Variants in MTX3 observed in about 807,000 individuals in gnomAD.
MTX3 encodes the protein metaxin-3.
In MTX3, 27 loss-of-function variants were observed where a neutral mutation model predicts 42.5. That is an observed-to-expected ratio of 0.64 (90% CI 0.47 to 0.88). The LOEUF (loss-of-function observed/expected upper bound fraction) is 0.88. Among genes scored for constraint, MTX3 ranks in the 40% least tolerant of loss-of-function variants. The pLI, the probability that MTX3 is intolerant of heterozygous loss-of-function variation, is 0.00. For missense variants in MTX3, 378 were observed against 367.0 expected (o/e 1.03, Z -0.25); for synonymous variants, 144 against 132.9 (o/e 1.08, Z -0.57).
rs2151138255 is a variant in MTX3 at position 79,979,383 on chromosome 5, T to C, written c.*4301A>G. ...GAAAATATTGAAAAGTAAACATAAATTCCACAAAGCTGAATGGCAGCAAAA... is the reference window on the plus strand; with the variant it reads ...GAAAATATTGAAAAGTAAACATAAACTCCACAAAGCTGAATGGCAGCAAAA... On this transcript the variant is annotated 3_prime_UTR_variant, in exon 9 of 9. Coordinates refer to ENST00000512528, the MANE Select transcript of MTX3 (RefSeq NM_001363818.2). 6.6e-6 allele frequency: 1 copy of C among 152,298 alleles called. No homozygotes were observed. The highest frequency in any genetic ancestry group is 2.1e-4 in the South Asian group (1 of 4,822). 9.4% of individuals were successfully genotyped at this position (152,298 alleles called of 1,614,324 possible).
intron 8 of MTX3, 91 bp from the exon 9 acceptor site, chr5:79,983,885 G>A: frequency 2.6e-6 from 2 of 768,704 alleles, no homozygotes; most frequent in Non-Finnish European, 4.4e-6. Context: ...GCCTAGAAGA[G>A]TACAGAACCA....
At chr5:79,989,383 T>C in intron 3 of MTX3, 139 bp from the exon 4 acceptor site, 1 of 612,292 alleles carries the variant, frequency 1.6e-6, no homozygotes. Context: ...GAAATACAAA[T>C]CCAGTGAAAC....
In MTX3 at chr5:79,988,331, T is replaced by C; in HGVS notation, c.505-16A>G. 1 of 1,526,592 alleles carries C rather than the reference T, an allele frequency of 6.6e-7. No individual in the cohort carries two copies. The highest frequency in any genetic ancestry group is 8.9e-7 in the Non-Finnish European group (1 of 1,122,942). 94.6% of individuals were successfully genotyped at this position (1,526,592 alleles called of 1,614,324 possible). ...CTCTGTATATCTAATAAGGATGAAA[T>C]TATATCTCAAAAGTAGAAAAGATAC... is the stretch of plus-strand genomic sequence containing the variant. On this transcript the variant is annotated splice_polypyrimidine_tract_variant and intron_variant, in intron 5 of 8. Transcript: ENST00000512528.
At chr5:79,987,838 G>A (rs1831533243) in intron 6 of MTX3, among the ~76,000 whole-genome samples, 1 of 152,036 alleles carries the variant, frequency 6.6e-6, no homozygotes, top group African/African-American at 2.4e-5. Context: ...TTTTTGACAT[G>A]GAGTTTCACT....
chr5:79,991,013 C>G (rs1209235725), intron 1 of MTX3, 145 bp downstream of exon 1: 9 of 894,536 alleles, frequency 1.0e-5, no homozygotes, highest in African/African-American at 1.7e-5. Flanking sequence ...TGGGACTCGT[C>G]GGTGGGAGGG....
rs1172138996 is a variant in MTX3 at position 79,977,173 on chromosome 5, G to A, written c.*6511C>T. 1.3e-5 allele frequency: 2 copies of A among 152,070 alleles called. No individual in the cohort carries two copies. The highest frequency in any genetic ancestry group is 2.9e-5 in the Non-Finnish European group (2 of 68,022). 9.4% of individuals were successfully genotyped at this position (152,070 alleles called of 1,614,324 possible). On this transcript the variant is annotated 3_prime_UTR_variant, in exon 9 of 9. Coordinates refer to ENST00000512528, the MANE Select transcript of MTX3 (RefSeq NM_001363818.2). ...CCCATTTCATAAAATTAAAAATCAA[G>A]TCAGAAGAGAAGTAAAACTCATTTT... is the stretch of plus-strand genomic sequence containing the variant.
At chr5:79,986,744 A>G in intron 7 of MTX3, 1 of 597,322 alleles carries the variant, frequency 1.7e-6, no homozygotes, top group South Asian at 1.8e-5. Flanking sequence ...CGGAATAGAT[A>G]AAAGGCAAAT....
chr5:79,983,488 T>TGAG lies in MTX3; in HGVS notation c.*195_*196insCTC. 9.4e-6 allele frequency: 4 copies of TGAG among 423,596 alleles called. No individual in the cohort carries two copies. Among genetic ancestry groups the TGAG allele is most frequent in the Non-Finnish European group, 1.6e-5 (4 of 249,718 alleles). 26.2% of individuals were successfully genotyped at this position (423,596 alleles called of 1,614,324 possible). ...AACCAAGTTCATTTAGCATTCTCTT[T>TGAG]GTTATTAAAAATGCAGTGCCAAGCT... On this transcript the variant is annotated 3_prime_UTR_variant, in exon 9 of 9. Coordinates refer to ENST00000512528, the MANE Select transcript of MTX3 (RefSeq NM_001363818.2).
intron 2 of MTX3, 81 bp from the exon 3 acceptor site, chr5:79,990,317 G>GTT: frequency 1.0e-6 from 1 of 977,008 alleles, no homozygotes; most frequent in Non-Finnish European, 1.5e-6. Context: ...AACTATAGCA[G>GTT]TTGCACATTT....
At chr5:79,990,010 A>G in intron 3 of MTX3, 150 bp downstream of exon 3, 2 of 486,914 alleles carry the variant, frequency 4.1e-6, no homozygotes, top group Admixed American at 7.8e-5. Context: ...CATGCTTTAG[A>G]GCAGTGATTC....
intron 1 of MTX3, chr5:79,990,942 C>G (rs1473896665): frequency 2.8e-6 from 2 of 715,218 alleles, no homozygotes; most frequent in Non-Finnish European, 5.1e-6. Flanking sequence ...GGACAAAACT[C>G]GGAGCCAAGC....
intron 1 of MTX3, 48 bp downstream of exon 1, chr5:79,991,110 C>G: frequency 6.6e-7 from 1 of 1,524,172 alleles, no homozygotes; most frequent in Non-Finnish European, 8.9e-7. Context: ...CCTGGCGCCT[C>G]CAGCCCCGCC....
At position 79,982,603 on chromosome 5, in the gene MTX3, A is replaced by G. The variant is rs1831397776; in HGVS notation, c.*1081T>C. Reference sequence around the variant, plus strand: ...CCCTTAACAGTTCAGCAACCAATAAATAGAAAATATTCATTAAAAGCTGCT... The same window carrying G: ...CCCTTAACAGTTCAGCAACCAATAAGTAGAAAATATTCATTAAAAGCTGCT... On this transcript the variant is annotated 3_prime_UTR_variant, in exon 9 of 9. Coordinates refer to ENST00000512528, the MANE Select transcript of MTX3 (RefSeq NM_001363818.2). The G allele has an allele frequency of 4.2e-6, 1 of 240,894 alleles. No homozygotes were observed. Among genetic ancestry groups the G allele is most frequent in the Non-Finnish European group, 8.5e-6 (1 of 117,274 alleles). The allele number at this position is 240,894 out of a possible 1,614,324, so 14.9% of individuals were successfully genotyped here.
intron 7 of MTX3, 35 bp downstream of exon 7, chr5:79,986,915 G>T (rs771434036): frequency 2.1e-5 from 34 of 1,601,170 alleles, no homozygotes; most frequent in Non-Finnish European, 2.8e-5. Flanking sequence ...AGGAGAATAT[G>T]CAAACAAACA....
In MTX3 at chr5:79,987,042, T is replaced by C; in HGVS notation, c.647A>G (p.Lys216Arg). 2 of 1,613,924 alleles carry C rather than the reference T, an allele frequency of 1.2e-6. No homozygotes were observed. Among genetic ancestry groups the C allele is most frequent in the Non-Finnish European group, 8.5e-7 (1 of 1,179,854 alleles). Residue 216 changes from lysine (K) to arginine (R), a missense_variant, in exon 7 of 9, where the codon AAA becomes AGA. Coordinates refer to ENST00000512528, the MANE Select transcript of MTX3 (RefSeq NM_001363818.2). ...LAPLYKVRFP[K>R]VQLQEHLKQL... ...TTTCAGATGTTCTTGTAGCTGAACT[T>C]TAGGAAACCGTACTTTGTAAAGAGG...
At chr5:79,984,333 AACTAT>A (rs1251811905) in intron 8 of MTX3, among the ~76,000 whole-genome samples, 2 of 152,200 alleles carry the variant, frequency 1.3e-5, no homozygotes, top group African/African-American at 4.8e-5. Flanking sequence ...TTATTCTTTC[AACTAT>A]ACTTCTTTAC....
Position 79,983,676 on chromosome 5 carries a change from G to A in MTX3, c.*8C>T. 2 of 1,597,800 alleles carry A rather than the reference G, an allele frequency of 1.3e-6. No homozygotes were observed. The highest frequency in any genetic ancestry group is 2.2e-5 in the South Asian group (2 of 90,752). On this transcript the variant is annotated 3_prime_UTR_variant, in exon 9 of 9. Coordinates refer to ENST00000512528, the MANE Select transcript of MTX3 (RefSeq NM_001363818.2). ...TCGTTTGACTTTGGCCACAAACCAT[G>A]ACTACTCTCAGGGCGAAAGCCGTTG...
chr5:79,986,152 G>A (rs1831485047), intron 7 of MTX3, among the ~76,000 whole-genome samples: 1 of 152,074 alleles, frequency 6.6e-6, no homozygotes, highest in Admixed American at 6.5e-5. Context: ...AATTTAGTAA[G>A]TCTGGAATAG....
At chr5:79,987,229 T>C in intron 6 of MTX3, 122 bp from the exon 7 acceptor site, 5 of 752,034 alleles carry the variant, frequency 6.6e-6, no homozygotes, top group South Asian at 2.1e-5. Flanking sequence ...TCACTTGAGG[T>C]CAGGAGTTCC....
Sources: gnomAD v4.1 joint callset for allele counts (sites outside exome capture counted in the v4.1 genomes callset) on GRCh38, gnomAD v4.1.1 for gene constraint, MANE v1.5 for transcripts, NCBI Gene and HGNC (gene_info 2026-07-23, HGNC 2026-07-21) for gene names.